The following CTNND2 variants were observed in gnomAD, a reference collection of about 807,000 sequenced individuals.
The protein encoded by CTNND2 is catenin delta 2, also known as catenin delta-2.
In CTNND2, 22 loss-of-function variants were observed where a neutral mutation model predicts 144.4. That is an observed-to-expected ratio of 0.15 (90% CI 0.11 to 0.22). The LOEUF (loss-of-function observed/expected upper bound fraction) is 0.22. Ranked by LOEUF, CTNND2 falls within the 10% of genes least tolerant of loss-of-function variation. The pLI, the probability that CTNND2 is intolerant of heterozygous loss-of-function variation, is 1.00. For synonymous variants in CTNND2, 751 were observed against 695.6 expected (o/e 1.08, Z -1.25); for missense variants, 1,353 against 1,618.8 (o/e 0.84, Z 2.82).
intron 9 of CTNND2, among the ~76,000 whole-genome samples, chr5:11,287,049 G>T (rs1324032637): frequency 6.6e-6 from 1 of 152,052 alleles, no homozygotes; most frequent in African/African-American, 2.4e-5. Flanking sequence ...CAATAACACC[G>T]TTGAGAAAAA....
intron 1 of CTNND2, among the ~76,000 whole-genome samples, chr5:11,893,272 C>T (rs1187989768): frequency 6.6e-6 from 1 of 152,194 alleles, no homozygotes; most frequent in Non-Finnish European, 1.5e-5. Flanking sequence ...GCTGCACAGC[C>T]ATCTCAGTTG....
intron 3 of CTNND2, among the ~76,000 whole-genome samples, chr5:11,422,229 C>T (rs552914186): frequency 4.7e-5 from 7 of 150,386 alleles, no homozygotes; most frequent in East Asian, 3.9e-4. Flanking sequence ...TTTTCCCCCA[C>T]GCTAAAATGG....
At chr5:11,346,301 G>A in intron 9 of CTNND2, 71 bp downstream of exon 9, 1 of 1,295,014 alleles carries the variant, frequency 7.7e-7, no homozygotes, top group Non-Finnish European at 1.0e-6. Context: ...AACATGACGT[G>A]AAATAAATTA....
At chr5:11,429,328 T>C (rs929321072) in intron 3 of CTNND2, among the ~76,000 whole-genome samples, 1 of 152,238 alleles carries the variant, frequency 6.6e-6, no homozygotes, top group Non-Finnish European at 1.5e-5. Context: ...TGTTCCATGA[T>C]GTGTTCCTAG....
intron 2 of CTNND2, among the ~76,000 whole-genome samples, chr5:11,723,083 T>G (rs1786776867): frequency 6.9e-6 from 1 of 144,390 alleles, no homozygotes; most frequent in African/African-American, 2.8e-5. Context: ...CAAACAGCAG[T>G]TAAAAATCAC....
intron 16 of CTNND2, among the ~76,000 whole-genome samples, chr5:11,061,032 C>T (rs13159627): frequency 0.072 from 10,984 of 152,014 alleles, 521 homozygotes; most frequent in Non-Finnish European, 0.099. Flanking sequence ...TGAATATTGT[C>T]GGCTTTCTAC....
At chr5:11,838,486 T>C (rs878957625) in intron 1 of CTNND2, among the ~76,000 whole-genome samples, 16 of 152,258 alleles carry the variant, frequency 1.1e-4, no homozygotes, top group Admixed American at 2.0e-4. Context: ...TTATGACTTA[T>C]TAGCTCTCCA....
intron 10 of CTNND2, among the ~76,000 whole-genome samples, chr5:11,208,449 C>T (rs1379854162): frequency 6.6e-6 from 1 of 151,838 alleles, no homozygotes; most frequent in East Asian, 1.9e-4. Context: ...ATATACAGAA[C>T]AATATGAAAT....
chr5:11,604,144 C>T (rs975226279), intron 2 of CTNND2, among the ~76,000 whole-genome samples: 1 of 152,152 alleles, frequency 6.6e-6, no homozygotes, highest in Non-Finnish European at 1.5e-5. Flanking sequence ...TATTCACAGG[C>T]TTCTTCTCCT....
intron 3 of CTNND2, among the ~76,000 whole-genome samples, chr5:11,446,908 G>C (rs1463254069): frequency 6.6e-6 from 1 of 152,074 alleles, no homozygotes; most frequent in African/African-American, 2.4e-5. Context: ...GCTTACAGTA[G>C]TGCCAACTGT....
chr5:11,593,414 A>T (rs572433992), intron 2 of CTNND2, among the ~76,000 whole-genome samples: 13 of 152,318 alleles, frequency 8.5e-5, no homozygotes, highest in Admixed American at 3.9e-4. Flanking sequence ...ACAAAAGAAA[A>T]CAACCACATG....
intron 14 of CTNND2, among the ~76,000 whole-genome samples, chr5:11,108,582 G>T (rs61754609): frequency 6.6e-6 from 1 of 152,058 alleles, no homozygotes. Flanking sequence ...TGAATTGATA[G>T]GTTTGTCTCC....
intron 9 of CTNND2, among the ~76,000 whole-genome samples, chr5:11,271,672 A>G (rs1243436944): frequency 6.6e-6 from 1 of 152,162 alleles, no homozygotes; most frequent in Non-Finnish European, 1.5e-5. Flanking sequence ...ATGGGCTTAG[A>G]TGATACGCTG....
Position 11,285,570 on chromosome 5 carries a change from A to C in CTNND2, c.1629-48747T>G, listed in dbSNP as rs964462380. ...TAAATTTGGAGACCCAAAAGCCAGA[A>C]TGAGGGGGATTTTTCCCACTTCCCT... is the stretch of plus-strand genomic sequence containing the variant. On this transcript the variant is annotated intron_variant, in intron 9 of 21. Transcript: ENST00000304623. 1.1e-4 allele frequency among the ~76,000 whole-genome samples: 16 copies of C among 152,312 alleles called. 1 individual carries two copies. The highest frequency in any genetic ancestry group is 5.9e-4 in the Admixed American group (9 of 15,298).
intron 1 of CTNND2, among the ~76,000 whole-genome samples, chr5:11,823,716 T>C (rs1037166582): frequency 2.6e-5 from 4 of 152,178 alleles, no homozygotes; most frequent in Non-Finnish European, 5.9e-5. Flanking sequence ...TTAGGTACCA[T>C]GGTAATATCA....
At chr5:11,880,922 C>T (rs1230734796) in intron 1 of CTNND2, among the ~76,000 whole-genome samples, 6 of 147,742 alleles carry the variant, frequency 4.1e-5, no homozygotes, top group African/African-American at 1.5e-4. Flanking sequence ...ACCACTACTA[C>T]TACCACTACT....
chr5:11,686,816 A>ATATACTATATGTATCTAATATACTATAT (rs1262818815), intron 2 of CTNND2, among the ~76,000 whole-genome samples: 2 of 148,382 alleles, frequency 1.3e-5, no homozygotes, highest in Non-Finnish European at 3.0e-5. Context: ...ATATATATTT[A>ATATACTATATGTATCTAATATACTATAT]TATACTATAT....
At chr5:11,728,578 C>T (rs988057587) in intron 2 of CTNND2, among the ~76,000 whole-genome samples, 5 of 152,162 alleles carry the variant, frequency 3.3e-5, no homozygotes, top group Non-Finnish European at 2.9e-5. Flanking sequence ...TGTTTTGCTA[C>T]CTTTGAATCA....
At chr5:11,307,885 A>G (rs888436749) in intron 9 of CTNND2, among the ~76,000 whole-genome samples, 1 of 152,132 alleles carries the variant, frequency 6.6e-6, no homozygotes, top group Non-Finnish European at 1.5e-5. Context: ...TGAGAAGATG[A>G]GGACTTTGGG....
Sources: allele counts gnomAD v4.1 joint callset (sites outside exome capture counted in the v4.1 genomes callset), GRCh38; gene constraint gnomAD v4.1.1; transcripts MANE v1.5; gene names NCBI Gene and HGNC (gene_info 2026-07-23, HGNC 2026-07-21).